The following NDUFAF7 variants were observed in gnomAD, a reference collection of about 807,000 sequenced individuals.
NDUFAF7 encodes the protein NADH:ubiquinone oxidoreductase complex assembly factor 7.
Under a neutral mutation model 47.2 loss-of-function variants are expected in NDUFAF7, and 48 were observed. That is an observed-to-expected ratio of 1.02 (90% CI 0.81 to 1.29). NDUFAF7 has a LOEUF of 1.29. Ranked by LOEUF, NDUFAF7 falls within the 50% of genes most tolerant of loss-of-function variation. NDUFAF7 has a pLI of 0.00. For missense variants in NDUFAF7, 635 were observed against 537.6 expected, an observed-to-expected ratio of 1.18 and a Z score of -1.79; for synonymous variants, 217 against 190.0, an observed-to-expected ratio of 1.14 and a Z score of -1.17.
intron 4 of NDUFAF7, among the ~76,000 whole-genome samples, chr2:37,241,357 T>C (rs192696356): frequency 2.0e-5 from 3 of 152,314 alleles, no homozygotes; most frequent in African/African-American, 4.8e-5. Flanking sequence ...TAATTTATCA[T>C]TAGGAAACCA....
downstream of NDUFAF7, among the ~76,000 whole-genome samples, chr2:37,249,643 G>GACACAGACACACACAC (rs1553361383): frequency 7.5e-6 from 1 of 132,524 alleles, no homozygotes; most frequent in Non-Finnish European, 1.6e-5. Flanking sequence ...CTGTGATAGA[G>GACACAGACACACACAC]ACACACACAC....
At chr2:37,261,172 A>C in the NDUFAF7 span, among the ~76,000 whole-genome samples, 1 of 152,204 alleles carries the variant, frequency 6.6e-6, no homozygotes, top group African/African-American at 2.4e-5. Flanking sequence ...CCAAGTGCTT[A>C]AACAATTTTT....
intron 5 of NDUFAF7, 91 bp from the exon 6 acceptor site, chr2:37,242,544 A>G (rs1052904514): frequency 1.7e-5 from 17 of 989,092 alleles, no homozygotes; most frequent in Non-Finnish European, 2.7e-5. Context: ...ATGATTATGG[A>G]GGAAGTAGGC....
Position 37,231,681 on chromosome 2 carries a change from A to G in NDUFAF7, c.-25A>G. On this transcript the variant is annotated 5_prime_UTR_variant, in exon 1 of 10. Coordinates refer to ENST00000002125, the MANE Select transcript of NDUFAF7 (RefSeq NM_144736.5). ...TGGTCTAAGCCCCAGCTCCTGGCGG[A>G]GCGAGCTAGCCTGCGAATTTCAGCA... 6.2e-7 allele frequency: 1 copy of G among 1,614,094 alleles called. No homozygotes were observed. The highest frequency in any genetic ancestry group is 1.3e-5 in the African/African-American group (1 of 75,000).
chr2:37,258,921 T>C, the NDUFAF7 span, among the ~76,000 whole-genome samples: 2 of 152,212 alleles, frequency 1.3e-5, no homozygotes, highest in African/African-American at 4.8e-5. Flanking sequence ...GAATCATCCT[T>C]GCCAATTATG....
intron 3 of NDUFAF7, among the ~76,000 whole-genome samples, chr2:37,237,231 A>G (rs1237763072): frequency 1.3e-5 from 2 of 152,194 alleles, no homozygotes; most frequent in East Asian, 3.9e-4. Context: ...CAGCCTCCCA[A>G]AGTGCTGGGA....
chr2:37,260,304 C>T, the NDUFAF7 span: 2 of 1,608,866 alleles, frequency 1.2e-6, no homozygotes, highest in African/African-American at 1.3e-5. Context: ...TATCTCCATG[C>T]AGCTTTTCCA....
At chr2:37,268,308 A>T in the NDUFAF7 span, 1 of 471,106 alleles carries the variant, frequency 2.1e-6, no homozygotes, top group Non-Finnish European at 4.4e-6. Context: ...TACCTCGGAC[A>T]GTTCTTTGTT....
In NDUFAF7 at chr2:37,247,768, A is replaced by G. The variant is rs151285836; in HGVS notation, c.1110+139A>G. 4.8e-4 allele frequency: 492 copies of G among 1,022,154 alleles called. 2 individuals are homozygous for G. The highest frequency in any genetic ancestry group is 1.3e-3 in the Admixed American group (63 of 47,364). 63.3% of individuals were successfully genotyped at this position (1,022,154 alleles called of 1,614,324 possible). A position where few individuals can be genotyped will look rare whatever the true frequency, so the allele number is the denominator to read the frequency against. On this transcript the variant is annotated intron_variant, in intron 9 of 9. Coordinates refer to ENST00000002125, the MANE Select transcript of NDUFAF7 (RefSeq NM_144736.5). ...TTCCAGTCTTTTCAGGTAGTATAGG[A>G]TTTAGTAACTAGTCTGGTAAGTTTT... is the stretch of plus-strand genomic sequence containing the variant.
Position 37,248,180 on chromosome 2 carries a change from C to A in NDUFAF7, c.1156C>A (p.Leu386Ile), listed in dbSNP as rs146007545. ...SNEPSVRQQL[L>I]QGYDMLMNPK... is the part of the protein sequence containing the mutation. ...TGAGCCATCAGTGAGGCAGCAGTTA[C>A]TTCAAGGATATGATATGTTAATGAA... The change falls in exon 10 of 10, where the codon CTT becomes ATT. Residue 386 changes from leucine (L) to isoleucine (I), a missense_variant. Leu to Ile is a conservative substitution (Grantham distance 5, BLOSUM62 2). Transcript: ENST00000002125. 6.2e-7 allele frequency: 1 copy of A among 1,613,896 alleles called. No homozygotes were observed. Among genetic ancestry groups the A allele is most frequent in the African/African-American group, 1.3e-5 (1 of 74,890 alleles).
chr2:37,249,595 A>G (rs999976479), downstream of NDUFAF7, among the ~76,000 whole-genome samples: 1 of 123,296 alleles, frequency 8.1e-6, no homozygotes, highest in Admixed American at 8.8e-5. Context: ...ACACACACAC[A>G]CACACACAGA....
At chr2:37,249,229 T>G (rs1317418779), downstream of NDUFAF7, 1 of 152,178 alleles carries the variant, frequency 6.6e-6, no homozygotes, top group Non-Finnish European at 1.5e-5. Context: ...GAATGCACAA[T>G]TTTCCCAATT....
intron 4 of NDUFAF7, among the ~76,000 whole-genome samples, chr2:37,239,531 A>G (rs990761102): frequency 1.4e-4 from 22 of 152,360 alleles, no homozygotes; most frequent in Non-Finnish European, 3.1e-4. Context: ...AAACTAGTGT[A>G]TATGTGTACC....
chr2:37,237,864 G>A lies in NDUFAF7; in HGVS notation c.405G>A (p.Leu135=). ...GGGGAACCCTCGTGGGAGATATTTT[G>A]AGGGTAGGTAATAAAAGAATGTCTT... ...PGRGTLVGDI[L]RVFTQLGSVL... is the part of the protein sequence containing the mutation. The change falls in exon 4 of 10, where the codon TTG becomes TTA. Residue 135 remains leucine (L), a synonymous_variant. Transcript: ENST00000002125. 1 of 1,593,586 alleles carries A rather than the reference G, an allele frequency of 6.3e-7. No individual in the cohort carries two copies. Among genetic ancestry groups the A allele is most frequent in the Non-Finnish European group, 8.6e-7 (1 of 1,161,442 alleles).
downstream of NDUFAF7, among the ~76,000 whole-genome samples, chr2:37,249,564 C>CACACACAT (rs1383322997): frequency 5.9e-4 from 24 of 40,678 alleles, no homozygotes; most frequent in East Asian, 0.085. Flanking sequence ...GATAGACACA[C>CACACACAT]ACACACACAC....
chr2:37,266,199 G>C, the NDUFAF7 span, among the ~76,000 whole-genome samples: 1 of 152,118 alleles, frequency 6.6e-6, no homozygotes, highest in African/African-American at 2.4e-5. Flanking sequence ...GTTACTATTA[G>C]CAACAAGTAA....
the NDUFAF7 span, among the ~76,000 whole-genome samples, chr2:37,270,425 A>G: frequency 6.0e-5 from 9 of 150,220 alleles, no homozygotes; most frequent in African/African-American, 2.2e-4. Context: ...AGAAAAGAAT[A>G]TGTATGAGAG....
downstream of NDUFAF7, among the ~76,000 whole-genome samples, chr2:37,257,320 C>T (rs1381809144): frequency 6.6e-6 from 1 of 152,050 alleles, no homozygotes; most frequent in African/African-American, 2.4e-5. Context: ...CCTTAGTGGC[C>T]TCACAGTGCC....
the NDUFAF7 span, chr2:37,269,581 T>C: frequency 3.9e-6 from 6 of 1,558,228 alleles, no homozygotes; most frequent in Non-Finnish European, 5.3e-6. Flanking sequence ...TTTAAAATAA[T>C]GTGTACAATA....
Sources: gnomAD v4.1 joint callset for allele counts (sites outside exome capture counted in the v4.1 genomes callset) on GRCh38, gnomAD v4.1.1 for gene constraint, MANE v1.5 for transcripts, NCBI Gene and HGNC (gene_info 2026-07-23, HGNC 2026-07-21) for gene names.